The following ST6GALNAC5 variants were observed in gnomAD, a reference collection of about 807,000 sequenced individuals.
The protein encoded by ST6GALNAC5 is alpha-N-acetylgalactosaminide alpha-2,6-sialyltransferase 5.
A neutral mutation model predicts 33.6 loss-of-function variants in ST6GALNAC5; 27 were observed. That is an observed-to-expected ratio of 0.80 (90% CI 0.59 to 1.11). ST6GALNAC5 has a LOEUF of 1.11. Among genes scored for constraint, ST6GALNAC5 ranks in the 50% least tolerant of loss-of-function variants. The pLI is 0.00. For missense variants in ST6GALNAC5, 428 were observed against 454.0 expected (o/e 0.94, Z 0.52); for synonymous variants, 194 against 171.2 (o/e 1.13, Z -1.04).
chr1:77,031,192 C>A (rs56057782), intron 2 of ST6GALNAC5, among the ~76,000 whole-genome samples: 280 of 152,284 alleles, frequency 1.8e-3, no homozygotes, highest in African/African-American at 6.4e-3. Flanking sequence ...GTAGACGGTG[C>A]CTTTGTCAAT....
At chr1:77,055,109 T>C (rs1378249900) in intron 4 of ST6GALNAC5, among the ~76,000 whole-genome samples, 1 of 151,940 alleles carries the variant, frequency 6.6e-6, no homozygotes, top group African/African-American at 2.4e-5. Context: ...AATCTGACTG[T>C]GAAGAGTCAC....
intron 2 of ST6GALNAC5, among the ~76,000 whole-genome samples, chr1:77,003,342 T>G (rs1650253512): frequency 6.9e-6 from 1 of 144,430 alleles, no homozygotes; most frequent in Non-Finnish European, 1.5e-5. Flanking sequence ...TCCTTTGGCT[T>G]GGTAGATCTT....
At chr1:77,003,783 G>A (rs1205376739) in intron 2 of ST6GALNAC5, among the ~76,000 whole-genome samples, 2 of 149,296 alleles carry the variant, frequency 1.3e-5, no homozygotes, top group African/African-American at 4.9e-5. Flanking sequence ...AATTCTGGGT[G>A]GAAAATTCTT....
At chr1:76,942,103 A>G (rs1188883568) in intron 2 of ST6GALNAC5, among the ~76,000 whole-genome samples, 3 of 152,092 alleles carry the variant, frequency 2.0e-5, no homozygotes, top group Non-Finnish European at 4.4e-5. Context: ...CGGGTGCATC[A>G]CTTCTAAAAG....
chr1:77,025,574 A>C (rs1464509563), intron 2 of ST6GALNAC5, among the ~76,000 whole-genome samples: 1 of 152,132 alleles, frequency 6.6e-6, no homozygotes, highest in Non-Finnish European at 1.5e-5. Context: ...AATGTCACTA[A>C]TAAAGGTCTG....
chr1:77,056,918 G>T (rs1341910612), intron 4 of ST6GALNAC5, among the ~76,000 whole-genome samples: 1 of 152,150 alleles, frequency 6.6e-6, no homozygotes, highest in Non-Finnish European at 1.5e-5. Flanking sequence ...AGAAATCAAG[G>T]CAGCAGAATA....
chr1:76,920,399 C>T (rs1466697202), intron 2 of ST6GALNAC5, among the ~76,000 whole-genome samples: 1 of 152,154 alleles, frequency 6.6e-6, no homozygotes, highest in Non-Finnish European at 1.5e-5. Flanking sequence ...ATGCATGTGC[C>T]ATAGAAACTG....
At chr1:76,897,001 G>T (rs969094572) in intron 2 of ST6GALNAC5, among the ~76,000 whole-genome samples, 1 of 151,804 alleles carries the variant, frequency 6.6e-6, no homozygotes, top group Admixed American at 6.6e-5. Context: ...GTTTTGTAAG[G>T]GATTGAGGTT....
intron 2 of ST6GALNAC5, among the ~76,000 whole-genome samples, chr1:76,987,369 CA>C (rs1276289893): frequency 6.6e-6 from 1 of 152,064 alleles, no homozygotes; most frequent in Non-Finnish European, 1.5e-5. Context: ...TAGGGAAATG[CA>C]AATCCAAATC....
chr1:76,931,704 C>T (rs146640574), intron 2 of ST6GALNAC5, among the ~76,000 whole-genome samples: 26 of 152,154 alleles, frequency 1.7e-4, no homozygotes, highest in Non-Finnish European at 3.2e-4. Context: ...GTATGAGACA[C>T]ATATATTTGG....
At chr1:76,944,468 CT>C (rs1647442303) in intron 2 of ST6GALNAC5, among the ~76,000 whole-genome samples, 1 of 151,968 alleles carries the variant, frequency 6.6e-6, no homozygotes, top group Non-Finnish European at 1.5e-5. Context: ...TCTCTATTCC[CT>C]TTTTTAATCC....
At chr1:76,950,204 C>T (rs1647687390) in intron 2 of ST6GALNAC5, among the ~76,000 whole-genome samples, 2 of 152,178 alleles carry the variant, frequency 1.3e-5, no homozygotes, top group African/African-American at 4.8e-5. Context: ...CATCTTCTGA[C>T]TCCTGACTGT....
At chr1:76,976,460 TC>T (rs1277784189) in intron 2 of ST6GALNAC5, among the ~76,000 whole-genome samples, 3 of 152,278 alleles carry the variant, frequency 2.0e-5, no homozygotes, top group East Asian at 3.9e-4. Context: ...CCATTATTTG[TC>T]TTGGCTCAGA....
chr1:76,948,970 AC>A (rs1390285536), intron 2 of ST6GALNAC5, among the ~76,000 whole-genome samples: 1 of 152,130 alleles, frequency 6.6e-6, no homozygotes, highest in Non-Finnish European at 1.5e-5. Context: ...CAAGTCTTGT[AC>A]TAACTCCATC....
intron 2 of ST6GALNAC5, among the ~76,000 whole-genome samples, chr1:76,981,580 T>C (rs569241029): frequency 3.3e-5 from 5 of 152,310 alleles, no homozygotes; most frequent in African/African-American, 1.2e-4. Context: ...TAAAAGGCAG[T>C]AGACAACTTC....
intron 2 of ST6GALNAC5, among the ~76,000 whole-genome samples, chr1:77,023,383 G>A (rs898166604): frequency 3.4e-4 from 52 of 152,168 alleles, no homozygotes; most frequent in African/African-American, 1.1e-3. Context: ...GTGGCATAAA[G>A]CTGTAATACT....
chr1:77,015,131 C>A (rs1650780762), intron 2 of ST6GALNAC5, among the ~76,000 whole-genome samples: 1 of 151,408 alleles, frequency 6.6e-6, no homozygotes, highest in Non-Finnish European at 1.5e-5. Context: ...TTACGGAGGC[C>A]AAGACATCCC....
At chr1:77,012,005 C>T (rs1650653441) in intron 2 of ST6GALNAC5, among the ~76,000 whole-genome samples, 1 of 152,080 alleles carries the variant, frequency 6.6e-6, no homozygotes. Context: ...AAATGATTTG[C>T]CCAAGGTTCC....
At chr1:76,898,556 A>C (rs1646781889) in intron 2 of ST6GALNAC5, among the ~76,000 whole-genome samples, 1 of 152,162 alleles carries the variant, frequency 6.6e-6, no homozygotes. Flanking sequence ...AGGGCTGTAA[A>C]GAGTCTCAGG....
Sources: gnomAD v4.1 joint callset for allele counts (sites outside exome capture counted in the v4.1 genomes callset) on GRCh38, gnomAD v4.1.1 for gene constraint, MANE v1.5 for transcripts, NCBI Gene and HGNC (gene_info 2026-07-23, HGNC 2026-07-21) for gene names.